Variants in AGBL4 observed in about 807,000 individuals in gnomAD.
AGBL4 encodes the protein AGBL carboxypeptidase 4, also known as cytosolic carboxypeptidase 6.
Under a neutral mutation model 66.4 loss-of-function variants are expected in AGBL4, and 58 were observed. The observed-to-expected ratio is 0.87, with a 90% CI of 0.71 to 1.09. The LOEUF is 1.09. Ranked by LOEUF, AGBL4 falls within the 50% of genes least tolerant of loss-of-function variation. The pLI, the probability that AGBL4 is intolerant of heterozygous loss-of-function variation, is 0.00. For synonymous variants in AGBL4, 234 were observed against 222.9 expected, an observed-to-expected ratio of 1.05 and a Z score of -0.44; for missense variants, 579 against 631.0, an observed-to-expected ratio of 0.92 and a Z score of 0.88.
rs966126566 is a variant in AGBL4 at position 48,696,746 on chromosome 1, TGAG to T, written c.635-33508_635-33506del. ...CACCGGAGTGAGAAAGTGAGAGAGT[TGAG>T]GAGTTTATAGAAATTACAGCAATGT... On this transcript the variant is annotated intron_variant, in intron 6 of 13. Transcript: ENST00000371839. Among the ~76,000 whole-genome samples, 9 of 152,200 alleles carry T rather than the reference TGAG, an allele frequency of 5.9e-5. No homozygotes were observed. The South Asian group carries it at 1.2e-3, about 21-fold the overall frequency.
chr1:49,643,412 A>G (rs1346186913), intron 3 of AGBL4, among the ~76,000 whole-genome samples: 1 of 151,726 alleles, frequency 6.6e-6, no homozygotes, highest in South Asian at 2.1e-4. Flanking sequence ...GAGATAGAAG[A>G]AACATTTTAA....
chr1:48,760,137 A>C (rs1252418101), intron 6 of AGBL4, among the ~76,000 whole-genome samples: 1 of 152,208 alleles, frequency 6.6e-6, no homozygotes, highest in Non-Finnish European at 1.5e-5. Flanking sequence ...AAGACAGTGG[A>C]TAGAGAGAAG....
At chr1:49,207,541 CTTTT>C (rs1312799112) in intron 4 of AGBL4, among the ~76,000 whole-genome samples, 7 of 50,394 alleles carry the variant, frequency 1.4e-4, no homozygotes, top group African/African-American at 4.9e-4. Flanking sequence ...CTTTTTCTTT[CTTTT>C]CTTTCTTTCT....
rs182636378 is a variant in AGBL4, at chr1:48,713,713, A to G, written c.635-50472T>C. On this transcript the variant is annotated intron_variant, in intron 6 of 13. Transcript: ENST00000371839. Reference sequence around the variant, plus strand: ...GGCTCTAAGGAGGACCCTAAGGAAGAGGCTAGGTGCAGAGCTGCTCCCCTC... The same window carrying G: ...GGCTCTAAGGAGGACCCTAAGGAAGGGGCTAGGTGCAGAGCTGCTCCCCTC... Among the ~76,000 whole-genome samples the G allele has an allele frequency of 2.3e-3, 352 of 152,268 alleles. 5 individuals carry two copies. Among genetic ancestry groups the G allele is most frequent in the African/African-American group, 8.2e-3 (340 of 41,558 alleles).
In AGBL4 at chr1:48,655,712, G is replaced by C. The variant is rs904581093; in HGVS notation, c.725-2261C>G. On this transcript the variant is annotated intron_variant, in intron 7 of 13. Coordinates refer to ENST00000371839, the MANE Select transcript of AGBL4 (RefSeq NM_032785.4). ...GTAGTTAAAAACAGGATTAGTTTTA[G>C]AAGTAGGTGTCCTAGTCTGTGAAGT... 2.0e-5 allele frequency among the ~76,000 whole-genome samples: 3 copies of C among 152,182 alleles called. No individual in the cohort carries two copies. The South Asian group carries it at 6.2e-4, about 32-fold the overall frequency.
At position 49,307,958 on chromosome 1, in the gene AGBL4, G is replaced by A. The variant is rs139461258; in HGVS notation, c.283-62094C>T. On this transcript the variant is annotated intron_variant, in intron 3 of 13. Transcript: ENST00000371839. Reference sequence around the variant, plus strand: ...ATCCCCAGTGTTGGAGGTGGGGCCCGGTGGGAGGTGATTGAATCATGGGGG... The same window carrying A: ...ATCCCCAGTGTTGGAGGTGGGGCCCAGTGGGAGGTGATTGAATCATGGGGG... Among the ~76,000 whole-genome samples, 439 of 152,190 alleles carry A rather than the reference G, an allele frequency of 2.9e-3. 2 individuals are homozygous for A. The highest frequency in any genetic ancestry group is 4.2e-3 in the Non-Finnish European group (287 of 68,004).
At chr1:49,729,904 T>C (rs1197422027) in intron 2 of AGBL4, among the ~76,000 whole-genome samples, 1 of 152,016 alleles carries the variant, frequency 6.6e-6, no homozygotes, top group Non-Finnish European at 1.5e-5. Context: ...CAAAAGACAA[T>C]TTAAAGCCTG....
intron 3 of AGBL4, among the ~76,000 whole-genome samples, chr1:49,396,296 T>G (rs1372083127): frequency 1.3e-5 from 2 of 149,806 alleles, no homozygotes; most frequent in African/African-American, 4.9e-5. Context: ...ACATACATAC[T>G]TCTAAGTACC....
At chr1:49,971,906 G>GGTTGTTTTTTTTTTTTTTT (rs1457900823) in intron 1 of AGBL4, among the ~76,000 whole-genome samples, 3 of 43,442 alleles carry the variant, frequency 6.9e-5, no homozygotes, top group East Asian at 7.5e-4. Flanking sequence ...GGTTTTTTTG[G>GGTTGTTTTTTTTTTTTTTT]GTTTTTTTTT....
At chr1:50,010,705 C>T (rs1198729567) in intron 1 of AGBL4, among the ~76,000 whole-genome samples, 1 of 152,144 alleles carries the variant, frequency 6.6e-6, no homozygotes, top group Non-Finnish European at 1.5e-5. Flanking sequence ...GTGCCAAGAA[C>T]ATACACTGGG....
chr1:49,858,607 C>T (rs1417375824), intron 1 of AGBL4, among the ~76,000 whole-genome samples: 1 of 152,070 alleles, frequency 6.6e-6, no homozygotes, highest in Non-Finnish European at 1.5e-5. Flanking sequence ...AGAATGTAGA[C>T]TTAAGACCAA....
Position 48,590,936 on chromosome 1 carries a change from A to C in AGBL4, c.1001T>G (p.Met334Arg), listed in dbSNP as rs1334015838. The change falls in exon 10 of 14, where the codon ATG (methionine) becomes AGG (arginine). Residue 334 changes from methionine (M) to arginine (R), a missense_variant. Transcript: ENST00000371839. ...YIDIHAHSTM[M>R]NGFMYGNIFE... ...GATGTTGCCATACATGAAGCCATTC[A>C]TCATGGTGGAGTGGGCATGGATGTC... 3 of 1,610,656 alleles carry C rather than the reference A, an allele frequency of 1.9e-6. No homozygotes were observed. The highest frequency in any genetic ancestry group is 2.5e-6 in the Non-Finnish European group (3 of 1,178,748).
At chr1:48,853,042 T>C (rs1038419960) in intron 6 of AGBL4, among the ~76,000 whole-genome samples, 3 of 152,176 alleles carry the variant, frequency 2.0e-5, no homozygotes, top group African/African-American at 7.2e-5. Flanking sequence ...AATGATAGGC[T>C]ATGGCTTCTC....
At chr1:48,912,114 T>C (rs1653180698) in intron 5 of AGBL4, among the ~76,000 whole-genome samples, 1 of 152,080 alleles carries the variant, frequency 6.6e-6, no homozygotes, top group African/African-American at 2.4e-5. Context: ...CCACGGAAAA[T>C]ATAGGGAACA....
intron 2 of AGBL4, among the ~76,000 whole-genome samples, chr1:49,803,475 T>C (rs1229790654): frequency 6.6e-6 from 1 of 152,200 alleles, no homozygotes; most frequent in South Asian, 2.1e-4. Flanking sequence ...TTTAAAGATA[T>C]TTAACTTTAA....
intron 5 of AGBL4, among the ~76,000 whole-genome samples, chr1:48,987,957 C>T (rs1445159667): frequency 6.6e-6 from 1 of 152,056 alleles, no homozygotes; most frequent in Non-Finnish European, 1.5e-5. Flanking sequence ...CTAGAATGCT[C>T]TTATTTTTCT....
intron 3 of AGBL4, among the ~76,000 whole-genome samples, chr1:49,466,952 CA>C (rs1557967629): frequency 1.3e-5 from 2 of 151,664 alleles, no homozygotes; most frequent in South Asian, 4.2e-4. Flanking sequence ...AAGAGAAGTT[CA>C]AAATTAAAGT....
intron 1 of AGBL4, among the ~76,000 whole-genome samples, chr1:49,853,307 C>A (rs572353587): frequency 9.6e-4 from 146 of 152,038 alleles, no homozygotes; most frequent in Non-Finnish European, 1.5e-3. Context: ...AGTAATAATA[C>A]AAAAGGAAAT....
intron 4 of AGBL4, among the ~76,000 whole-genome samples, chr1:49,122,321 T>G (rs997583085): frequency 2.0e-5 from 3 of 151,820 alleles, no homozygotes; most frequent in Admixed American, 2.0e-4. Flanking sequence ...AGACCGGAGC[T>G]GTTCCTATTT....
Sources: gnomAD v4.1 joint callset for allele counts (sites outside exome capture counted in the v4.1 genomes callset) on GRCh38, gnomAD v4.1.1 for gene constraint, MANE v1.5 for transcripts, NCBI Gene and HGNC (gene_info 2026-07-23, HGNC 2026-07-21) for gene names.